Variants in DCP2 observed in about 807,000 individuals in gnomAD.
The protein encoded by DCP2 is decapping mRNA 2.
DCP2 carries 30 observed loss-of-function variants against 56.1 expected under a neutral mutation model. The observed-to-expected ratio is 0.53, with a 90% CI of 0.40 to 0.73. DCP2 has a LOEUF of 0.73. Ranked by LOEUF, DCP2 falls within the 30% of genes least tolerant of loss-of-function variation. The pLI, the probability that DCP2 is intolerant of heterozygous loss-of-function variation, is 0.00. For missense variants in DCP2, 533 were observed against 502.7 expected, an observed-to-expected ratio of 1.06 and a Z score of -0.58; for synonymous variants, 197 against 163.3, an observed-to-expected ratio of 1.21 and a Z score of -1.57.
chr5:112,999,347 G>A (rs1160304163), intron 4 of DCP2, among the ~76,000 whole-genome samples: 2 of 151,014 alleles, frequency 1.3e-5, no homozygotes, highest in Non-Finnish European at 3.0e-5. Context: ...TTTTTTTTGA[G>A]ATGGAGTTTC....
At chr5:113,010,866 T>G in intron 10 of DCP2, 59 bp downstream of exon 10, 1 of 1,536,744 alleles carries the variant, frequency 6.5e-7, no homozygotes, top group East Asian at 2.3e-5. Context: ...TTGGTTTACC[T>G]AACTTTGATT....
chr5:113,010,123 C>G (rs955777216), intron 9 of DCP2, among the ~76,000 whole-genome samples: 1 of 151,022 alleles, frequency 6.6e-6, no homozygotes, highest in African/African-American at 2.4e-5. Flanking sequence ...ACCTCCACCT[C>G]CTTGGTTCAA....
intron 8 of DCP2, among the ~76,000 whole-genome samples, chr5:113,004,810 T>C (rs2150186646): frequency 6.7e-6 from 1 of 149,226 alleles, no homozygotes; most frequent in South Asian, 2.1e-4. Flanking sequence ...CAATGTTACT[T>C]TTTTTTTTTT....
chr5:113,001,081 C>G lies in DCP2; in HGVS notation c.433-3C>G. 6.3e-7 allele frequency: 1 copy of G among 1,589,600 alleles called. No homozygotes were observed. The highest frequency in any genetic ancestry group is 8.5e-7 in the Non-Finnish European group (1 of 1,169,688). On this transcript the variant is annotated splice_region_variant and splice_polypyrimidine_tract_variant and intron_variant, in intron 4 of 10. Transcript: ENST00000389063. ...AAATTTCATCCAAATTTGTTGTTTCCAGGTCTTTGAAGAAACTGGTTTTGA... is the reference window on the plus strand; with the variant it reads ...AAATTTCATCCAAATTTGTTGTTTCGAGGTCTTTGAAGAAACTGGTTTTGA...
chr5:113,011,630 T>C (rs1655544378), intron 10 of DCP2, among the ~76,000 whole-genome samples: 1 of 152,254 alleles, frequency 6.6e-6, no homozygotes, highest in Admixed American at 6.5e-5. Flanking sequence ...GATAATGCTA[T>C]TTTGAAAGAG....
Position 113,001,628 on chromosome 5 carries a change from T to C in DCP2, c.760T>C (p.Ser254Pro), listed in dbSNP as rs773246802. 17 of 1,614,098 alleles carry C rather than the reference T, an allele frequency of 1.1e-5. No individual in the cohort carries two copies. The highest frequency in any genetic ancestry group is 1.7e-5 in the Admixed American group (1 of 60,010). Residue 254 changes from serine (S) to proline (P), a missense_variant, in exon 7 of 11, where the codon TCC (serine) becomes CCC (proline). Physicochemically the swap from Ser to Pro is moderately conservative, Grantham distance 74. This residue lies in a region of DCP2 where 392 missense variants were observed against 346.6 expected (regional missense o/e 1.13). Coordinates refer to ENST00000389063, the MANE Select transcript of DCP2 (RefSeq NM_152624.6). ...GDSSDSDNGF[S>P]STGSTPAKPT... ...TTCCTCAGACAGTGACAATGGATTT[T>C]CCTCAACTGGTAGCACGCCGGCTAA...
chr5:112,994,651 A>G (rs1226890482), intron 4 of DCP2, among the ~76,000 whole-genome samples: 1 of 152,204 alleles, frequency 6.6e-6, no homozygotes, highest in Non-Finnish European at 1.5e-5. Context: ...TTTATCATGT[A>G]TCACACAATT....
chr5:113,021,715 C>T lies in DCP2; in HGVS notation c.*8231C>T, dbSNP rs796155568. On this transcript the variant is annotated 3_prime_UTR_variant, in exon 11 of 11. Transcript: ENST00000389063. ...TATACTTACTGTCAAAGTTACTTTGCTTCCATAGTGAAAACTTGAGAACAT... is the reference window on the plus strand; with the variant it reads ...TATACTTACTGTCAAAGTTACTTTGTTTCCATAGTGAAAACTTGAGAACAT... 5.3e-5 allele frequency among the ~76,000 whole-genome samples: 8 copies of T among 152,210 alleles called. No homozygotes were observed. The highest frequency in any genetic ancestry group is 1.4e-4 in the African/African-American group (6 of 41,528).
At chr5:112,991,764 CACTT>C (rs1467152448) in intron 2 of DCP2, among the ~76,000 whole-genome samples, 2 of 152,150 alleles carry the variant, frequency 1.3e-5, no homozygotes, top group Non-Finnish European at 2.9e-5. Flanking sequence ...GAATTTGACT[CACTT>C]AACGAGAAAT....
intron 2 of DCP2, among the ~76,000 whole-genome samples, chr5:112,991,187 A>G (rs894694836): frequency 6.6e-6 from 1 of 152,212 alleles, no homozygotes; most frequent in African/African-American, 2.4e-5. Context: ...ATATGCTCAG[A>G]TTGCATGTTA....
intron 8 of DCP2, 57 bp from the exon 9 acceptor site, chr5:113,007,881 T>C: frequency 6.8e-7 from 1 of 1,460,084 alleles, no homozygotes; most frequent in Non-Finnish European, 9.3e-7. Context: ...GGGGTATTTT[T>C]TTTGTGCTAT....
intron 10 of DCP2, 94 bp from the exon 11 acceptor site, chr5:113,013,227 C>T: frequency 7.5e-7 from 1 of 1,341,290 alleles, no homozygotes; most frequent in Non-Finnish European, 1.0e-6. Context: ...AATATATACT[C>T]AAAACTAATT....
intron 8 of DCP2, among the ~76,000 whole-genome samples, chr5:113,007,376 A>ATTTCTTTC (rs35517896): frequency 7.2e-6 from 1 of 138,524 alleles, no homozygotes; most frequent in Non-Finnish European, 1.6e-5. Context: ...GTGTGGAAAG[A>ATTTCTTTC]TTTCTTTCTT....
intron 1 of DCP2, among the ~76,000 whole-genome samples, chr5:112,977,296 TGCCGCC>T (rs781744957): frequency 1.4e-4 from 21 of 152,198 alleles, no homozygotes; most frequent in Non-Finnish European, 2.8e-4. Flanking sequence ...CTTAGCGTTT[TGCCGCC>T]GCCGCCGCCT....
intron 8 of DCP2, among the ~76,000 whole-genome samples, chr5:113,005,971 A>C (rs916260536): frequency 6.6e-6 from 1 of 151,998 alleles, no homozygotes; most frequent in African/African-American, 2.4e-5. Flanking sequence ...CTAAAAATAT[A>C]AAAAATGAGC....
At chr5:113,005,419 T>C (rs1193224668) in intron 8 of DCP2, among the ~76,000 whole-genome samples, 1 of 152,192 alleles carries the variant, frequency 6.6e-6, no homozygotes, top group Admixed American at 6.5e-5. Flanking sequence ...TTAGGGAACA[T>C]TGTTAATAAT....
intron 2 of DCP2, among the ~76,000 whole-genome samples, chr5:112,991,864 A>G (rs1269951047): frequency 6.6e-6 from 1 of 152,232 alleles, no homozygotes; most frequent in African/African-American, 2.4e-5. Context: ...TGTGTAGGCT[A>G]CAAATGAAAA....
In DCP2 at chr5:113,013,325, T is replaced by C; in HGVS notation, c.1104T>C (p.Ala368=). 3 of 1,609,330 alleles carry C rather than the reference T, an allele frequency of 1.9e-6. No individual in the cohort carries two copies. The highest frequency in any genetic ancestry group is 2.5e-6 in the Non-Finnish European group (3 of 1,177,724). The part of the protein sequence containing the change: ...RKLQDNFETD[A]VYDLPSSSED... ...TTTTGTTTTTTCTTTAAACAGATGC[T>C]GTATATGACTTGCCTAGCTCCAGTG... is the stretch of plus-strand genomic sequence containing the variant. Residue 368 remains alanine (A), a synonymous_variant, in exon 11 of 11, where the codon GCT becomes GCC. Coordinates refer to ENST00000389063, the MANE Select transcript of DCP2 (RefSeq NM_152624.6).
Position 112,992,789 on chromosome 5 carries a change from A to G in DCP2, c.432+19A>G. Reference sequence around the variant, plus strand: ...TAGAGAGGTAAGTTATTCCATTTTGATACACAGTAAATTTGGCTATTAGGG... The same window carrying G: ...TAGAGAGGTAAGTTATTCCATTTTGGTACACAGTAAATTTGGCTATTAGGG... On this transcript the variant is annotated intron_variant, in intron 4 of 10. Coordinates refer to ENST00000389063, the MANE Select transcript of DCP2 (RefSeq NM_152624.6). The G allele has an allele frequency of 1.9e-6, 3 of 1,547,572 alleles. No individual in the cohort carries two copies. The highest frequency in any genetic ancestry group is 2.6e-6 in the Non-Finnish European group (3 of 1,157,470).
Sources: gnomAD v4.1 joint callset for allele counts (sites outside exome capture counted in the v4.1 genomes callset) on GRCh38, gnomAD v4.1.1 for gene constraint, gnomAD v4.1.1 regional missense constraint, MANE v1.5 for transcripts, NCBI Gene and HGNC (gene_info 2026-07-23, HGNC 2026-07-21) for gene names.